SEMA6D: variants seen among roughly 807,000 people sequenced by gnomAD.
SEMA6D encodes semaphorin 6D, also known as semaphorin-6D.
SEMA6D carries 35 observed loss-of-function variants against 106.6 expected under a neutral mutation model. That is an observed-to-expected ratio of 0.33 (90% CI 0.25 to 0.44). The LOEUF is 0.44. Ranked by LOEUF, SEMA6D falls within the 20% of genes least tolerant of loss-of-function variation. The pLI is 1.00. For missense variants in SEMA6D, 1,185 were observed against 1,345.9 expected, an observed-to-expected ratio of 0.88 and a Z score of 1.87; for synonymous variants, 499 against 487.7, an observed-to-expected ratio of 1.02 and a Z score of -0.31.
intron 4 of SEMA6D, among the ~76,000 whole-genome samples, chr15:47,688,363 A>G (rs949379152): frequency 7.2e-5 from 11 of 152,190 alleles, no homozygotes; most frequent in African/African-American, 2.7e-4. Context: ...GATAAAACCT[A>G]AAAAATATTG....
chr15:47,335,619 T>C (rs2037522262), intron 1 of SEMA6D, among the ~76,000 whole-genome samples: 1 of 152,118 alleles, frequency 6.6e-6, no homozygotes, highest in African/African-American at 2.4e-5. Context: ...TCTACATGGG[T>C]GCCCCACACG....
chr15:47,368,289 G>A (rs1157608107), intron 1 of SEMA6D, among the ~76,000 whole-genome samples: 1 of 152,030 alleles, frequency 6.6e-6, no homozygotes, highest in Admixed American at 6.6e-5. Flanking sequence ...AAAGCCTTGA[G>A]TCTCATAGCC....
chr15:47,448,716 G>A (rs959295885), intron 2 of SEMA6D, among the ~76,000 whole-genome samples: 1 of 152,082 alleles, frequency 6.6e-6, no homozygotes, highest in Non-Finnish European at 1.5e-5. Context: ...TTAAAGTGTT[G>A]CCTACAAGAG....
chr15:47,477,608 G>T (rs1011789848), intron 3 of SEMA6D, among the ~76,000 whole-genome samples: 2 of 152,138 alleles, frequency 1.3e-5, no homozygotes, highest in African/African-American at 4.8e-5. Context: ...ATAAGCAAGA[G>T]AATTGTGATG....
Position 47,418,708 on chromosome 15 carries a change from A to C in SEMA6D, c.-159+6236A>C, listed in dbSNP as rs568505583. Among the ~76,000 whole-genome samples, 3 of 152,180 alleles carry C rather than the reference A, an allele frequency of 2.0e-5. No homozygotes were observed. The East Asian group carries it at 5.8e-4, about 30-fold the overall frequency. ...GAAACTCAGGGTGGGTAGGGAAGGC[A>C]TAAGTAGGTAGACCACTTAGGAGAC... On this transcript the variant is annotated intron_variant, in intron 2 of 19. Coordinates refer to the SEMA6D transcript ENST00000558014.
rs760733806 is a variant in SEMA6D at position 47,771,082 on chromosome 15, C to G, written c.2519C>G (p.Ser840Cys). ...AATGCTACCCATGACTACAACACGTCTTTCTCAAACTCCAATGCTCACAAA... is the reference window on the plus strand; with the variant it reads ...AATGCTACCCATGACTACAACACGTGTTTCTCAAACTCCAATGCTCACAAA... ...LPNATHDYNT[S>C]FSNSNAHKAE... Residue 840 changes from serine to cysteine, a missense_variant, in exon 19 of 19, where the codon TCT becomes TGT. Around this residue, in one of 3 missense-constraint regions of SEMA6D, gnomAD observed 750 missense variants for 783.5 expected, o/e 0.96. Transcript: ENST00000536845. 6.2e-7 allele frequency: 1 copy of G among 1,614,146 alleles called. No individual in the cohort carries two copies. The highest frequency in any genetic ancestry group is 1.1e-5 in the South Asian group (1 of 91,080).
At chr15:47,241,132 A>G (rs901670502) in intron 1 of SEMA6D, 3 of 152,214 alleles carry the variant, frequency 2.0e-5, no homozygotes, top group Non-Finnish European at 4.4e-5. Flanking sequence ...AAATAAAACA[A>G]TGTGTAACCC....
chr15:47,494,749 T>TATAG, intron 3 of SEMA6D, among the ~76,000 whole-genome samples: 1 of 60,816 alleles, frequency 1.6e-5, no homozygotes, highest in South Asian at 5.1e-4. Flanking sequence ...GAGATATATA[T>TATAG]ATATATATAT....
intron 1 of SEMA6D, among the ~76,000 whole-genome samples, chr15:47,723,442 G>A (rs2146389968): frequency 6.6e-6 from 1 of 152,304 alleles, no homozygotes; most frequent in African/African-American, 2.4e-5. Context: ...ATCTTGGCAG[G>A]TGAAGATCCA....
At position 47,270,184 on chromosome 15, in the gene SEMA6D, TTTA is replaced by T. The variant is rs1199164569; in HGVS notation, c.-239+85771_-239+85773del. 2.7e-5 allele frequency among the ~76,000 whole-genome samples: 4 copies of T among 148,448 alleles called. No homozygotes were observed. In the East Asian group the frequency reaches 5.8e-4, roughly 22 times the overall value. On this transcript the variant is annotated intron_variant, in intron 1 of 19. Coordinates refer to the SEMA6D transcript ENST00000558014. The stretch of plus-strand genomic sequence containing the variant: ...ATAAATATATTTATTATAGTTATAT[TTTA>T]TTATATGTTATATTTGTATGTATAT...
At chr15:47,728,365 C>T (rs915465367) in intron 1 of SEMA6D, among the ~76,000 whole-genome samples, 8 of 152,214 alleles carry the variant, frequency 5.3e-5, no homozygotes, top group Non-Finnish European at 4.4e-5. Flanking sequence ...TTTGGGGAAT[C>T]ACTTTATTAT....
chr15:47,431,360 C>T (rs2041517001), intron 2 of SEMA6D, among the ~76,000 whole-genome samples: 1 of 152,088 alleles, frequency 6.6e-6, no homozygotes, highest in Non-Finnish European at 1.5e-5. Flanking sequence ...TTGAGCATAA[C>T]ACTGTAGTTT....
At chr15:47,238,236 G>A (rs890968040) in intron 1 of SEMA6D, among the ~76,000 whole-genome samples, 4 of 152,058 alleles carry the variant, frequency 2.6e-5, no homozygotes, top group Non-Finnish European at 4.4e-5. Context: ...AAGAGAATAC[G>A]CTGTAAACTC....
intron 2 of SEMA6D, among the ~76,000 whole-genome samples, chr15:47,458,791 C>T (rs1284922133): frequency 2.6e-5 from 4 of 151,760 alleles, no homozygotes; most frequent in Non-Finnish European, 5.9e-5. Flanking sequence ...CATATGCTTC[C>T]ATCTAAAAAA....
intron 1 of SEMA6D, chr15:47,730,201 C>A: frequency 6.5e-7 from 1 of 1,547,050 alleles, no homozygotes; most frequent in South Asian, 1.1e-5. Context: ...CGATGCGAGC[C>A]ACAGACTTAG....
chr15:47,334,967 G>A (rs79454802), intron 1 of SEMA6D, among the ~76,000 whole-genome samples: 2,519 of 152,264 alleles, frequency 0.017, 64 homozygotes, highest in African/African-American at 0.058. Context: ...AGAGACTTCC[G>A]AGTCAGGCCT....
chr15:47,382,170 T>A (rs2039660865), intron 1 of SEMA6D, among the ~76,000 whole-genome samples: 1 of 152,168 alleles, frequency 6.6e-6, no homozygotes, highest in Non-Finnish European at 1.5e-5. Flanking sequence ...ATATAAACTA[T>A]CTATCTTGCA....
chr15:47,694,612 C>T (rs1235402008), intron 4 of SEMA6D, among the ~76,000 whole-genome samples: 2 of 152,060 alleles, frequency 1.3e-5, no homozygotes, highest in South Asian at 2.1e-4. Context: ...CTGAGGTTTA[C>T]AGGCCTGTGG....
In SEMA6D at chr15:47,227,550, C is replaced by G. The variant is rs1161293390; in HGVS notation, c.-239+43132C>G. Among the ~76,000 whole-genome samples the G allele has an allele frequency of 3.0e-5, 3 of 99,856 alleles. No homozygotes were observed. In the Admixed American group the frequency reaches 3.6e-4, roughly 12 times the overall value. The allele number at this position is 99,856 out of a possible 152,430, so 65.5% of individuals were successfully genotyped here. A position where few individuals can be genotyped will look rare whatever the true frequency, so the allele number is the denominator to read the frequency against. On this transcript the variant is annotated intron_variant, in intron 1 of 19. Coordinates refer to the SEMA6D transcript ENST00000558014. ...CTTCCTCTTTCTCCTCTTTCTCTCTCTCTGTCTCTCTCTCTCTCTCACACA... is the reference window on the plus strand; with the variant it reads ...CTTCCTCTTTCTCCTCTTTCTCTCTGTCTGTCTCTCTCTCTCTCTCACACA...
Sources: allele counts gnomAD v4.1 joint callset (sites outside exome capture counted in the v4.1 genomes callset), GRCh38; gene constraint gnomAD v4.1.1; regional missense constraint gnomAD v4.1.1; transcripts MANE v1.5; gene names NCBI Gene and HGNC (gene_info 2026-07-23, HGNC 2026-07-21).